HPSE2: variants seen among roughly 807,000 people sequenced by gnomAD.
HPSE2 encodes the protein inactive heparanase-2.
Under a neutral mutation model 60.5 loss-of-function variants are expected in HPSE2, and 38 were observed. That is an observed-to-expected ratio of 0.63 (90% confidence interval 0.48 to 0.82). HPSE2 has a LOEUF of 0.82. Among genes scored for constraint, HPSE2 ranks in the 40% least tolerant of loss-of-function variants. The pLI, the probability that HPSE2 is intolerant of heterozygous loss-of-function variation, is 0.00. For missense variants in HPSE2, 713 were observed against 740.4 expected (o/e 0.96, Z 0.43); for synonymous variants, 295 against 293.2 (o/e 1.01, Z -0.06).
At chr10:99,132,182 A>G (rs1457139848) in intron 3 of HPSE2, among the ~76,000 whole-genome samples, 2 of 12,910 alleles carry the variant, frequency 1.5e-4, no homozygotes, top group African/African-American at 2.6e-4. Flanking sequence ...AGAAAGAAAG[A>G]AAGAAAGAAA....
intron 3 of HPSE2, among the ~76,000 whole-genome samples, chr10:99,113,940 T>C (rs1037565177): frequency 6.6e-6 from 1 of 152,216 alleles, no homozygotes; most frequent in Non-Finnish European, 1.5e-5. Context: ...GCAATTTTCT[T>C]GTTGTTCCTA....
chr10:98,469,973 G>A (rs576277311), intron 11 of HPSE2, among the ~76,000 whole-genome samples: 2 of 152,080 alleles, frequency 1.3e-5, no homozygotes, highest in South Asian at 2.1e-4. Flanking sequence ...TCTGAGTTAC[G>A]GTAGCCTCTG....
rs191674115 is a variant in HPSE2, at chr10:98,737,576, C to T, written c.784+6307G>A. ...GATGCCCCACCCTGCTTCTGCTCAC[C>T]CCATCATCTCAGCCCCAAAACTCCT... On this transcript the variant is annotated intron_variant, in intron 4 of 11. Transcript: ENST00000370552. Among the ~76,000 whole-genome samples, 21 of 152,208 alleles carry T rather than the reference C, an allele frequency of 1.4e-4. No individual in the cohort carries two copies. In the East Asian group the frequency reaches 2.5e-3, roughly 18 times the overall value.
intron 2 of HPSE2, among the ~76,000 whole-genome samples, chr10:99,158,964 G>GT: frequency 6.6e-6 from 1 of 152,240 alleles, no homozygotes; most frequent in East Asian, 1.9e-4. Flanking sequence ...AAGAGAGACT[G>GT]TCAGATTGAG....
At chr10:99,085,830 T>C (rs574782052) in intron 3 of HPSE2, among the ~76,000 whole-genome samples, 3 of 152,162 alleles carry the variant, frequency 2.0e-5, no homozygotes, top group Non-Finnish European at 4.4e-5. Context: ...ATCTCCACTA[T>C]CCCTATTCAA....
At chr10:98,908,367 A>G (rs886349400) in intron 3 of HPSE2, among the ~76,000 whole-genome samples, 1 of 152,222 alleles carries the variant, frequency 6.6e-6, no homozygotes, top group African/African-American at 2.4e-5. Context: ...CTAAAATATT[A>G]GATGATCCAT....
At chr10:98,664,284 C>T (rs894961911) in intron 6 of HPSE2, among the ~76,000 whole-genome samples, 24 of 152,106 alleles carry the variant, frequency 1.6e-4, no homozygotes, top group East Asian at 1.9e-4. Flanking sequence ...TCCACCCACC[C>T]CCACTGCCCA....
At chr10:99,002,766 T>C (rs1189333374) in intron 3 of HPSE2, among the ~76,000 whole-genome samples, 1 of 152,104 alleles carries the variant, frequency 6.6e-6, no homozygotes, top group African/African-American at 2.4e-5. Context: ...TATATTTTTA[T>C]TTAATAGAAA....
chr10:98,897,159 T>C (rs1953516160), intron 3 of HPSE2, among the ~76,000 whole-genome samples: 1 of 152,144 alleles, frequency 6.6e-6, no homozygotes, highest in South Asian at 2.1e-4. Flanking sequence ...ATAAGAATTA[T>C]ATAATGGACT....
chr10:98,654,543 G>A (rs1947006826), intron 6 of HPSE2, among the ~76,000 whole-genome samples: 1 of 152,046 alleles, frequency 6.6e-6, no homozygotes, highest in Non-Finnish European at 1.5e-5. Flanking sequence ...TCATTTTTGT[G>A]ACAATGTTTT....
chr10:98,749,912 A>T (rs931061694), intron 3 of HPSE2, among the ~76,000 whole-genome samples: 3 of 119,350 alleles, frequency 2.5e-5, no homozygotes, highest in Non-Finnish European at 5.5e-5. Flanking sequence ...TATATATTTT[A>T]TATATATATA....
intron 3 of HPSE2, among the ~76,000 whole-genome samples, chr10:98,983,787 C>T (rs1956266109): frequency 6.6e-6 from 1 of 152,192 alleles, no homozygotes; most frequent in Admixed American, 6.5e-5. Context: ...TCGGGTCACT[C>T]CCACCCTAAT....
intron 3 of HPSE2, among the ~76,000 whole-genome samples, chr10:98,846,414 T>C (rs1022215719): frequency 1.3e-5 from 2 of 152,118 alleles, no homozygotes; most frequent in African/African-American, 4.8e-5. Context: ...AAAAAGAACT[T>C]AAAAAATACA....
At chr10:99,266,928 G>A in the HPSE2 span, among the ~76,000 whole-genome samples, 2 of 152,146 alleles carry the variant, frequency 1.3e-5, no homozygotes, top group Admixed American at 6.5e-5. Flanking sequence ...CTCTCAGGAA[G>A]CCACATCCCT....
chr10:99,070,777 GTTTA>G (rs1190377829), intron 3 of HPSE2, among the ~76,000 whole-genome samples: 1 of 152,086 alleles, frequency 6.6e-6, no homozygotes, highest in Non-Finnish European at 1.5e-5. Flanking sequence ...TCTGTGACTG[GTTTA>G]TTTGACTTAG....
the HPSE2 span, among the ~76,000 whole-genome samples, chr10:99,277,762 T>C: frequency 6.6e-6 from 1 of 152,040 alleles, no homozygotes; most frequent in Non-Finnish European, 1.5e-5. Flanking sequence ...TGGAAAAATA[T>C]CATATAATAC....
intron 5 of HPSE2, 71 bp downstream of exon 5, chr10:98,721,586 C>T: frequency 2.3e-6 from 3 of 1,319,988 alleles, no homozygotes; most frequent in Non-Finnish European, 3.2e-6. Flanking sequence ...AATAAATAAC[C>T]AAGAGAAATG....
At chr10:98,709,809 G>T (rs1441002293) in intron 5 of HPSE2, among the ~76,000 whole-genome samples, 1 of 152,074 alleles carries the variant, frequency 6.6e-6, no homozygotes, top group South Asian at 2.1e-4. Context: ...TTATAATAAG[G>T]CCCATCTTTA....
intron 6 of HPSE2, among the ~76,000 whole-genome samples, chr10:98,684,342 A>G (rs143048213): frequency 6.6e-6 from 1 of 152,286 alleles, no homozygotes; most frequent in East Asian, 1.9e-4. Flanking sequence ...GTCTGCATAT[A>G]GAAACAGGAG....
Sources: gnomAD v4.1 joint callset for allele counts (sites outside exome capture counted in the v4.1 genomes callset) on GRCh38, gnomAD v4.1.1 for gene constraint, MANE v1.5 for transcripts, NCBI Gene and HGNC (gene_info 2026-07-23, HGNC 2026-07-21) for gene names.